IPO11: variants seen among roughly 807,000 people sequenced by gnomAD.
IPO11 encodes the protein importin-11.
IPO11 carries 66 observed loss-of-function variants against 143.2 expected under a neutral mutation model. That is an observed-to-expected ratio of 0.46 (90% confidence interval 0.38 to 0.57). The LOEUF (loss-of-function observed/expected upper bound fraction) is 0.57, where lower values mean the gene tolerates loss of function less well. IPO11 is among the 20% of genes least tolerant of loss of function. The pLI is 0.00. For missense variants in IPO11, 1,026 were observed against 1,141.0 expected, an observed-to-expected ratio of 0.90 and a Z score of 1.45; for synonymous variants, 385 against 377.8, an observed-to-expected ratio of 1.02 and a Z score of -0.22.
At chr5:62,413,228 C>T (rs1022507731) in intron 1 of IPO11, among the ~76,000 whole-genome samples, 1 of 152,162 alleles carries the variant, frequency 6.6e-6, no homozygotes, top group Admixed American at 6.5e-5. Flanking sequence ...ACCGCGGTTG[C>T]GGACCTGGGT....
intron 20 of IPO11, among the ~76,000 whole-genome samples, chr5:62,520,022 C>T (rs963821488): frequency 2.6e-5 from 4 of 152,136 alleles, no homozygotes; most frequent in Non-Finnish European, 5.9e-5. Context: ...TCAGATCCCC[C>T]GAGGGTTTTA....
At chr5:62,606,381 G>A (rs1455846651) in intron 29 of IPO11, among the ~76,000 whole-genome samples, 1 of 149,980 alleles carries the variant, frequency 6.7e-6, no homozygotes, top group African/African-American at 2.5e-5. Context: ...TTGGGAGGCT[G>A]AGGTGGGAGG....
chr5:62,488,330 G>T (rs1438724748), intron 13 of IPO11, among the ~76,000 whole-genome samples: 1 of 152,174 alleles, frequency 6.6e-6, no homozygotes, highest in Non-Finnish European at 1.5e-5. Flanking sequence ...TATGATTTCT[G>T]TCTTTTCTGC....
intron 22 of IPO11, among the ~76,000 whole-genome samples, chr5:62,536,434 CATTCATTCATTT>C (rs1232667801): frequency 1.6e-3 from 185 of 116,764 alleles, no homozygotes; most frequent in African/African-American, 6.9e-3. Flanking sequence ...TTCATTCATT[CATTCATTCATTT>C]ATTCATTCAT....
intron 3 of IPO11, among the ~76,000 whole-genome samples, chr5:62,449,177 G>A (rs1744820580): frequency 6.6e-6 from 1 of 152,144 alleles, no homozygotes; most frequent in African/African-American, 2.4e-5. Context: ...TGGTATTACA[G>A]GCCTGAGCCA....
At chr5:62,438,862 A>G (rs975346286) in intron 2 of IPO11, among the ~76,000 whole-genome samples, 1 of 152,022 alleles carries the variant, frequency 6.6e-6, no homozygotes, top group African/African-American at 2.4e-5. Context: ...GATTGAGACC[A>G]TCCTGACTAA....
At chr5:62,578,791 T>TG (rs1390568504) in intron 27 of IPO11, 3 of 386,118 alleles carry the variant, frequency 7.8e-6, no homozygotes, top group African/African-American at 6.7e-5. Flanking sequence ...AAACGGTGAC[T>TG]TAAAAAAAAA....
chr5:62,458,987 T>A (rs943818518), intron 5 of IPO11, among the ~76,000 whole-genome samples: 7 of 152,180 alleles, frequency 4.6e-5, no homozygotes, highest in African/African-American at 1.4e-4. Context: ...ATCCATCTAT[T>A]TATCTGACAA....
At chr5:62,468,589 T>A (rs1044186666) in intron 6 of IPO11, among the ~76,000 whole-genome samples, 1 of 152,230 alleles carries the variant, frequency 6.6e-6, no homozygotes, top group Non-Finnish European at 1.5e-5. Context: ...GAAACTGATA[T>A]AAGGCTGTGT....
At chr5:62,458,154 A>C (rs1745231182) in intron 5 of IPO11, among the ~76,000 whole-genome samples, 1 of 151,878 alleles carries the variant, frequency 6.6e-6, no homozygotes, top group Admixed American at 6.6e-5. Flanking sequence ...CTCAAAAAAA[A>C]AAAAAAAAAA....
intron 4 of IPO11, among the ~76,000 whole-genome samples, chr5:62,450,811 T>C (rs1257802253): frequency 6.6e-6 from 1 of 152,124 alleles, no homozygotes; most frequent in African/African-American, 2.4e-5. Flanking sequence ...CTTCTAAGAA[T>C]AAAATAAGTT....
At chr5:62,480,906 ATTTTTTT>A (rs34947365) in intron 9 of IPO11, among the ~76,000 whole-genome samples, 7 of 84,964 alleles carry the variant, frequency 8.2e-5, no homozygotes, top group Non-Finnish European at 1.4e-4. Context: ...TTCCTCTTTC[ATTTTTTT>A]TTTTTTTTTT....
intron 27 of IPO11, among the ~76,000 whole-genome samples, chr5:62,584,771 A>G (rs1243626343): frequency 6.8e-6 from 1 of 146,536 alleles, no homozygotes; most frequent in African/African-American, 2.5e-5. Flanking sequence ...TTAAGTGCCC[A>G]CTACCACTGG....
chr5:62,417,321 A>ATT (rs34767317), intron 1 of IPO11, among the ~76,000 whole-genome samples: 5,088 of 64,974 alleles, frequency 0.078, 598 homozygotes, highest in East Asian at 0.13. Flanking sequence ...TTATTGGTTA[A>ATT]TTTTTTTTTT....
chr5:62,533,465 G>A (rs990497674), intron 22 of IPO11, among the ~76,000 whole-genome samples: 2 of 151,934 alleles, frequency 1.3e-5, no homozygotes, highest in African/African-American at 4.8e-5. Context: ...ACCCACTTTG[G>A]CCTCTCAAAG....
chr5:62,505,037 G>A (rs1480102884), intron 18 of IPO11, 139 bp downstream of exon 18: 1 of 461,596 alleles, frequency 2.2e-6, no homozygotes, highest in Non-Finnish European at 3.7e-6. Flanking sequence ...GATTATTTTG[G>A]AGGACATAAT....
chr5:62,422,352 C>G (rs1170953511), intron 1 of IPO11, among the ~76,000 whole-genome samples: 1 of 152,152 alleles, frequency 6.6e-6, no homozygotes, highest in East Asian at 1.9e-4. Flanking sequence ...GTCTCAAACT[C>G]CTGACCTCAG....
intron 24 of IPO11, among the ~76,000 whole-genome samples, chr5:62,542,122 CTGGAG>C (rs774066430): frequency 2.0e-5 from 3 of 151,064 alleles, no homozygotes; most frequent in Non-Finnish European, 4.4e-5. Flanking sequence ...GTTGCCCAGG[CTGGAG>C]TGCAATGGCG....
chr5:62,519,373 G>T (rs1345852663), intron 20 of IPO11, among the ~76,000 whole-genome samples: 1 of 152,144 alleles, frequency 6.6e-6, no homozygotes, highest in African/African-American at 2.4e-5. Context: ...AGAATCCACT[G>T]TCAACTCTTA....
Sources: gnomAD v4.1 joint callset for allele counts (sites outside exome capture counted in the v4.1 genomes callset) on GRCh38, gnomAD v4.1.1 for gene constraint, MANE v1.5 for transcripts, NCBI Gene and HGNC (gene_info 2026-07-23, HGNC 2026-07-21) for gene names.